Variants in SASS6 observed in about 807,000 individuals in gnomAD.
SASS6 encodes SAS-6 centriolar assembly protein.
SASS6 carries 59 observed loss-of-function variants against 94.9 expected under a neutral mutation model. The ratio of observed to expected loss-of-function variants is 0.62; its 90% CI spans 0.50 to 0.77. The LOEUF (loss-of-function observed/expected upper bound fraction) is 0.77. Ranked by LOEUF, SASS6 falls within the 30% of genes least tolerant of loss-of-function variation. The pLI is 0.00. For missense variants in SASS6, 698 were observed against 734.1 expected, an observed-to-expected ratio of 0.95 and a Z score of 0.57; for synonymous variants, 264 against 270.0, an observed-to-expected ratio of 0.98 and a Z score of 0.22.
rs1234878931 is a variant in SASS6, at chr1:100,122,347, AATTTAATAATGTAGC to A, written c.311+18_311+32del. ...TCAAAGAAGAGTCTGTCTTGAATTAAATTTAATAATGTAGCATTCTCATGCAACTTACCTTGGAAT... is the reference window on the plus strand; with the variant it reads ...TCAAAGAAGAGTCTGTCTTGAATTAAATTCTCATGCAACTTACCTTGGAAT... On this transcript the variant is annotated intron_variant, in intron 4 of 16. Coordinates refer to ENST00000287482, the MANE Select transcript of SASS6 (RefSeq NM_194292.3). 1.1e-6 allele frequency: 1 copy of A among 941,958 alleles called. No individual in the cohort carries two copies. The highest frequency in any genetic ancestry group is 1.7e-6 in the Non-Finnish European group (1 of 588,576). 58.3% of individuals were successfully genotyped at this position (941,958 alleles called of 1,614,324 possible).
At chr1:100,089,605 A>G (rs1280942415) in intron 14 of SASS6, among the ~76,000 whole-genome samples, 1 of 152,140 alleles carries the variant, frequency 6.6e-6, no homozygotes, top group Non-Finnish European at 1.5e-5. Context: ...AACATCTTCA[A>G]AATACAGATA....
chr1:100,119,665 G>C (rs958725054), intron 6 of SASS6, among the ~76,000 whole-genome samples: 1 of 152,178 alleles, frequency 6.6e-6, no homozygotes, highest in Non-Finnish European at 1.5e-5. Flanking sequence ...TTGGTGTTAA[G>C]CAAGTTCTCA....
In SASS6 at chr1:100,105,923, A is replaced by G; in HGVS notation, c.1409-20T>C. ...TGATTACTTAAATAAAAGAACAAGAAGCAAGGTAAAGAATATTGACTGTTT... is the reference window on the plus strand; with the variant it reads ...TGATTACTTAAATAAAAGAACAAGAGGCAAGGTAAAGAATATTGACTGTTT... On this transcript the variant is annotated intron_variant, in intron 12 of 16. Transcript: ENST00000287482. 1 of 1,519,056 alleles carries G rather than the reference A, an allele frequency of 6.6e-7. No individual in the cohort carries two copies. Among genetic ancestry groups the G allele is most frequent in the East Asian group, 2.3e-5 (1 of 43,870 alleles). 94.1% of individuals were successfully genotyped at this position (1,519,056 alleles called of 1,614,324 possible).
chr1:100,114,525 AAAAT>A (rs1212888108), intron 7 of SASS6, among the ~76,000 whole-genome samples: 2 of 151,430 alleles, frequency 1.3e-5, no homozygotes, highest in South Asian at 2.1e-4. Flanking sequence ...CTCTAAAAAA[AAAAT>A]AAATAAATAA....
chr1:100,094,946 A>G (rs1173875203), intron 14 of SASS6, among the ~76,000 whole-genome samples: 1 of 152,180 alleles, frequency 6.6e-6, no homozygotes, highest in African/African-American at 2.4e-5. Context: ...GACCAAGTGA[A>G]GTTTATCCCA....
At position 100,119,071 on chromosome 1, in the gene SASS6, A is replaced by T. The variant is rs1430107654; in HGVS notation, c.616T>A (p.Leu206Met). 3 of 1,592,130 alleles carry T rather than the reference A, an allele frequency of 1.9e-6. No homozygotes were observed. Among genetic ancestry groups the T allele is most frequent in the Non-Finnish European group, 2.6e-6 (3 of 1,165,450 alleles). ...AGTTCCTGAGAATGCTTGTTTGTCAAGGCTGCTGTATGTGACGCCCATTCA... is the reference window on the plus strand; with the variant it reads ...AGTTCCTGAGAATGCTTGTTTGTCATGGCTGCTGTATGTGACGCCCATTCA... Reference protein sequence around the residue: ...RNEWASHTAALTNKHSQELTN... With the variant: ...RNEWASHTAAMTNKHSQELTN... Residue 206 changes from leucine (L) to methionine (M), a missense_variant, in exon 7 of 17, where the codon TTG (leucine) becomes ATG (methionine). Physicochemically the swap from Leu to Met is conservative, Grantham distance 15. Coordinates refer to ENST00000287482, the MANE Select transcript of SASS6 (RefSeq NM_194292.3).
chr1:100,091,198 G>A (rs1029130060), intron 14 of SASS6, among the ~76,000 whole-genome samples: 4 of 152,030 alleles, frequency 2.6e-5, no homozygotes, highest in East Asian at 1.9e-4. Context: ...CCAGCTATTC[G>A]GAAGGCTGAG....
chr1:100,113,173 G>A (rs1018058710), intron 7 of SASS6, among the ~76,000 whole-genome samples: 2 of 152,136 alleles, frequency 1.3e-5, no homozygotes, highest in African/African-American at 4.8e-5. Context: ...ACTACTTATT[G>A]AGTACTATGT....
At chr1:100,092,906 G>A (rs1651836795) in intron 14 of SASS6, among the ~76,000 whole-genome samples, 1 of 151,940 alleles carries the variant, frequency 6.6e-6, no homozygotes, top group Non-Finnish European at 1.5e-5. Flanking sequence ...TATAATGGAG[G>A]ATAGCAAAAA....
At chr1:100,107,307 CAA>C (rs946925958) in intron 11 of SASS6, 65 bp downstream of exon 11, 1 of 970,352 alleles carries the variant, frequency 1.0e-6, no homozygotes. Flanking sequence ...GTTAATGTAA[CAA>C]AGCATAAATT....
At chr1:100,097,599 CAGAT>C (rs1418680671) in intron 14 of SASS6, among the ~76,000 whole-genome samples, 2 of 151,908 alleles carry the variant, frequency 1.3e-5, no homozygotes, top group Non-Finnish European at 2.9e-5. Flanking sequence ...CTGAGGCAGG[CAGAT>C]ACCTTGAGCC....
intron 14 of SASS6, among the ~76,000 whole-genome samples, chr1:100,100,270 A>G (rs1652379646): frequency 6.6e-6 from 1 of 152,190 alleles, no homozygotes; most frequent in Non-Finnish European, 1.5e-5. Flanking sequence ...TGTCACAAAA[A>G]TAAATGAATA....
Position 100,085,197 on chromosome 1 carries a change from TA to T in SASS6, c.*130del. On this transcript the variant is annotated 3_prime_UTR_variant, in exon 17 of 17. Transcript: ENST00000287482. ...TATAAACTGCCATAAAAGCAGTACT[TA>T]AAGTATCCAGTCTTTAACAGCTCAA... 1.5e-6 allele frequency: 1 copy of T among 678,222 alleles called. No homozygotes were observed. The highest frequency in any genetic ancestry group is 2.5e-5 in the East Asian group (1 of 40,198). 42.0% of individuals were successfully genotyped at this position (678,222 alleles called of 1,614,324 possible).
intron 7 of SASS6, 82 bp from the exon 8 acceptor site, chr1:100,110,565 A>C (rs1026938222): frequency 5.8e-6 from 4 of 685,472 alleles, no homozygotes; most frequent in Non-Finnish European, 8.9e-6. Flanking sequence ...AACAAAAAAA[A>C]ATTGTAATTT....
rs1651112876 is a variant in SASS6, at chr1:100,084,784, A to G, written c.*544T>C. On this transcript the variant is annotated 3_prime_UTR_variant, in exon 17 of 17. Coordinates refer to ENST00000287482, the MANE Select transcript of SASS6 (RefSeq NM_194292.3). ...CAAATTTAAATGCTTCAAGGAAAAT[A>G]CGCTATGAAGGCTTAATTCATTTCA... The G allele has an allele frequency of 6.6e-6, 1 of 152,204 alleles. No homozygotes were observed. Among genetic ancestry groups the G allele is most frequent in the Admixed American group, 6.5e-5 (1 of 15,280 alleles). The allele number at this position is 152,204 out of a possible 1,614,324, so 9.4% of individuals were successfully genotyped here. A position where few individuals can be genotyped will look rare whatever the true frequency, so the allele number is the denominator to read the frequency against.
chr1:100,083,906 A>C lies in SASS6; in HGVS notation c.*1422T>G, dbSNP rs986305721. The stretch of plus-strand genomic sequence containing the variant: ...TATATATTACATAGTATTTACAACA[A>C]AGCCCCTTCCATAGTATTTACAATA... On this transcript the variant is annotated 3_prime_UTR_variant, in exon 17 of 17. Coordinates refer to ENST00000287482, the MANE Select transcript of SASS6 (RefSeq NM_194292.3). The C allele has an allele frequency of 4.0e-5, 6 of 151,600 alleles. No individual in the cohort carries two copies. The highest frequency in any genetic ancestry group is 1.5e-4 in the African/African-American group (6 of 41,066). 9.4% of individuals were successfully genotyped at this position (151,600 alleles called of 1,614,324 possible).
At chr1:100,104,335 T>C (rs1041043157) in intron 13 of SASS6, among the ~76,000 whole-genome samples, 4 of 152,196 alleles carry the variant, frequency 2.6e-5, no homozygotes, top group African/African-American at 9.7e-5. Flanking sequence ...TTCCATGAAA[T>C]TGTTGTGTTC....
At chr1:100,090,305 A>T (rs2101639270) in intron 14 of SASS6, among the ~76,000 whole-genome samples, 1 of 152,318 alleles carries the variant, frequency 6.6e-6, no homozygotes, top group Non-Finnish European at 1.5e-5. Flanking sequence ...TCTAAAAGAA[A>T]TCACATTTAA....
chr1:100,106,206 T>C (rs916495773), intron 12 of SASS6, among the ~76,000 whole-genome samples: 2 of 152,212 alleles, frequency 1.3e-5, no homozygotes, highest in African/African-American at 4.8e-5. Context: ...CACAATCTTA[T>C]GTATGATACC....
Sources: allele counts gnomAD v4.1 joint callset (sites outside exome capture counted in the v4.1 genomes callset), GRCh38; gene constraint gnomAD v4.1.1; transcripts MANE v1.5; gene names NCBI Gene and HGNC (gene_info 2026-07-23, HGNC 2026-07-21).